NSD2: variants seen among roughly 807,000 people sequenced by gnomAD.
NSD2 encodes the protein histone-lysine N-methyltransferase NSD2.
Under a neutral mutation model 139.0 loss-of-function variants are expected in NSD2, and 12 were observed. That is an observed-to-expected ratio of 0.09 (90% CI 0.06 to 0.14). NSD2 has a LOEUF of 0.14. NSD2 is among the 10% of genes least tolerant of loss of function. NSD2 has a pLI of 1.00. For synonymous variants in NSD2, 669 were observed against 648.7 expected (o/e 1.03, Z -0.48); for missense variants, 1,155 against 1,745.0 (o/e 0.66, Z 6.02).
chr4:1,947,848 C>A (rs1356263310), intron 9 of NSD2: 1 of 1,051,148 alleles, frequency 9.5e-7, no homozygotes, highest in Non-Finnish European at 1.1e-6. Context: ...TTTGTTTTGT[C>A]AAAAAATTAA....
In NSD2 at chr4:1,978,602, C is replaced by T. The variant is rs200364408; in HGVS notation, c.3827-36C>T. 6 of 1,567,624 alleles carry T rather than the reference C, an allele frequency of 3.8e-6. No individual in the cohort carries two copies. The East Asian group carries it at 1.4e-4, about 36-fold the overall frequency. ...GATAATGTTGAAGTCGTGATTCCAT[C>T]ACTTCTGTGTGCTCACATCTTGTGT... is the stretch of plus-strand genomic sequence containing the variant. On this transcript the variant is annotated intron_variant, in intron 21 of 21. Transcript: ENST00000508803.
intron 7 of NSD2, among the ~76,000 whole-genome samples, chr4:1,936,506 A>G (rs1722415251): frequency 6.6e-6 from 1 of 151,994 alleles, no homozygotes; most frequent in African/African-American, 2.4e-5. Context: ...CCCCATCTCT[A>G]CTAATAATAC....
In NSD2 at chr4:1,939,798, G is replaced by A. The variant is rs756767015; in HGVS notation, c.1881+20G>A. ...AATGAGGTAAAATAATAATAATAAC[G>A]ATAACCATGGCATTGGTATGAAGGC... On this transcript the variant is annotated intron_variant, in intron 9 of 21. Transcript: ENST00000508803. 23 of 1,613,920 alleles carry A rather than the reference G, an allele frequency of 1.4e-5. No individual in the cohort carries two copies. The highest frequency in any genetic ancestry group is 1.1e-4 in the African/African-American group (8 of 74,890).
chr4:1,901,503 T>TTCAAATG (rs1283906107), intron 2 of NSD2, among the ~76,000 whole-genome samples: 1 of 152,214 alleles, frequency 6.6e-6, no homozygotes, highest in Non-Finnish European at 1.5e-5. Flanking sequence ...GTGTTCAAGA[T>TTCAAATG]TCAAATGGCT....
Position 1,900,691 on chromosome 4 carries a change from C to T in NSD2, c.37C>T (p.Gln13Ter), listed in dbSNP as rs1717036636. ...CATCAAGCAGAGTCCCCTTTCTGTT[C>T]AGAGTGTTGTAAAGTGCATAAAGAT... ...FSIKQSPLSV[Q>*]SVVKCIKMKQ... Residue 13 changes from glutamine (Q) to a stop codon, truncating the protein, a stop_gained, in exon 2 of 22, where the codon CAG becomes TAG. Coordinates refer to ENST00000508803, the MANE Select transcript of NSD2 (RefSeq NM_001042424.3). LOFTEE classifies it high-confidence loss of function. 1 of 1,608,590 alleles carries T rather than the reference C, an allele frequency of 6.2e-7. No individual in the cohort carries two copies. Among genetic ancestry groups the T allele is most frequent in the South Asian group, 1.1e-5 (1 of 90,422 alleles).
Position 1,955,759 on chromosome 4 carries a change from T to C in NSD2, c.2585T>C (p.Met862Thr), listed in dbSNP as rs1352976948. ...CACCCTGACTGCCTGAACATCGAGA[T>C]GCCTGACGGCAGCTGGTTCTGCAAT... Reference protein sequence around the residue: ...AFHPDCLNIEMPDGSWFCNDC... With the variant: ...AFHPDCLNIETPDGSWFCNDC... The change falls in exon 14 of 22, where the codon ATG becomes ACG. Residue 862 changes from methionine (M) to threonine (T), a missense_variant. Met to Thr is a moderately conservative substitution (Grantham distance 81). Coordinates refer to ENST00000508803, the MANE Select transcript of NSD2 (RefSeq NM_001042424.3). The surrounding 1 kb of genome is among the most constrained non-coding windows in gnomAD (Gnocchi z 4.7). The C allele has an allele frequency of 1.2e-6, 2 of 1,614,076 alleles. No homozygotes were observed. The highest frequency in any genetic ancestry group is 1.7e-6 in the Non-Finnish European group (2 of 1,180,038).
rs954838123 is a variant in NSD2, at chr4:1,979,725, C to A, written c.*816C>A. 4.3e-6 allele frequency: 1 copy of A among 232,184 alleles called. No individual in the cohort carries two copies. The highest frequency in any genetic ancestry group is 8.5e-6 in the Non-Finnish European group (1 of 117,382). The allele number at this position is 232,184 out of a possible 1,614,324, so 14.4% of individuals were successfully genotyped here. ...GGGGGATAACTTTGTATATTTTTTT[C>A]ATTTGGCTTTTCTTTACCAGTTTCT... On this transcript the variant is annotated 3_prime_UTR_variant, in exon 22 of 22. Coordinates refer to ENST00000508803, the MANE Select transcript of NSD2 (RefSeq NM_001042424.3).
Position 1,942,549 on chromosome 4 carries a change from C to A in NSD2, c.1881+2771C>A, listed in dbSNP as rs183382156. ...CACATACAATGAAGAAAACAGATAA[C>A]AAATTTTAAGACCAAGGTAAGATAA... is the stretch of plus-strand genomic sequence containing the variant. On this transcript the variant is annotated intron_variant, in intron 9 of 21. Transcript: ENST00000508803. This position sits in a 1 kb window ranked among gnomAD's most constrained non-coding sequence, Gnocchi z 4.0. 8 of 1,396,372 alleles carry A rather than the reference C, an allele frequency of 5.7e-6. No individual in the cohort carries two copies. The East Asian group carries it at 2.0e-4, about 35-fold the overall frequency. 86.5% of individuals were successfully genotyped at this position (1,396,372 alleles called of 1,614,324 possible).
chr4:1,883,296 A>G (rs1359984110), intron 1 of NSD2, among the ~76,000 whole-genome samples: 2 of 152,108 alleles, frequency 1.3e-5, no homozygotes, highest in East Asian at 1.9e-4. Flanking sequence ...CAGTTTCTCA[A>G]TGAACCCCAC....
intron 5 of NSD2, chr4:1,919,044 C>G (rs1166207455): frequency 1.2e-5 from 2 of 169,184 alleles, no homozygotes; most frequent in African/African-American, 4.8e-5. Context: ...GAGACTGAGA[C>G]AGGAGGATCC....
intron 1 of NSD2, among the ~76,000 whole-genome samples, chr4:1,872,585 TGTGTGTGAGAGAGAGAGAGAGAGAGAGA>T (rs1713891491): frequency 1.8e-5 from 1 of 56,526 alleles, no homozygotes; most frequent in African/African-American, 5.6e-5. Flanking sequence ...TGTGTGTGTG[TGTGTGTGAGAGAGAGAGAGAGAGAGAGA>T]GAGAGAGAGA....
intron 1 of NSD2, chr4:1,892,883 T>A (rs1715705899): frequency 6.6e-6 from 1 of 152,184 alleles, no homozygotes; most frequent in Non-Finnish European, 1.5e-5. Context: ...CACTGGTAAC[T>A]CTTAACTGGT....
intron 8 of NSD2, 57 bp downstream of exon 8, chr4:1,938,589 T>C: frequency 1.9e-6 from 1 of 537,352 alleles, no homozygotes; most frequent in Non-Finnish European, 3.5e-6. Flanking sequence ...CTGGGCTGGG[T>C]GGGTGGGCTG....
chr4:1,960,958 G>T (rs1345818280), intron 17 of NSD2, 77 bp from the exon 18 acceptor site: 1 of 1,132,760 alleles, frequency 8.8e-7, no homozygotes, highest in African/African-American at 1.5e-5. Flanking sequence ...AAGTGATCAT[G>T]ATGGGGAGTC....
chr4:1,968,876 A>C (rs1726151352), intron 18 of NSD2, among the ~76,000 whole-genome samples: 3 of 152,236 alleles, frequency 2.0e-5, no homozygotes, highest in Admixed American at 2.0e-4. Context: ...GAAAAAACTA[A>C]GAGAATGTGA....
chr4:1,896,714 C>T (rs1015493730), intron 1 of NSD2, among the ~76,000 whole-genome samples: 5 of 144,722 alleles, frequency 3.5e-5, no homozygotes, highest in Non-Finnish European at 7.6e-5. Flanking sequence ...TCCTCTCCTT[C>T]CTTCCTTTCC....
At chr4:1,969,644 C>T (rs867748292) in intron 18 of NSD2, among the ~76,000 whole-genome samples, 9 of 148,500 alleles carry the variant, frequency 6.1e-5, no homozygotes, top group African/African-American at 2.4e-4. Context: ...GAGGCCAAGG[C>T]GCGCAGTAAG....
rs1726790152 is a variant in NSD2, at chr4:1,974,018, C to G, written c.3373-845C>G. ...GTGCTTGCATTTGTGATTCCCGTGG[C>G]CCTTATCAGGTTGCTGCCTCGAAAG... On this transcript the variant is annotated intron_variant, in intron 18 of 21. Transcript: ENST00000508803. The surrounding 1 kb of genome is among the most constrained non-coding windows in gnomAD (Gnocchi z 4.0). 6.6e-6 allele frequency among the ~76,000 whole-genome samples: 1 copy of G among 152,168 alleles called. No homozygotes were observed.
chr4:1,892,591 A>C (rs1424608508), intron 1 of NSD2, among the ~76,000 whole-genome samples: 1 of 150,948 alleles, frequency 6.6e-6, no homozygotes, highest in Non-Finnish European at 1.5e-5. Flanking sequence ...TTTGAGACGG[A>C]GTCTTGCCCT....
Sources: allele counts gnomAD v4.1 joint callset (sites outside exome capture counted in the v4.1 genomes callset), GRCh38; gene constraint gnomAD v4.1.1; non-coding constraint Gnocchi (gnomAD v3.1); transcripts MANE v1.5; gene names NCBI Gene and HGNC (gene_info 2026-07-23, HGNC 2026-07-21).